Variants in SGCZ observed in about 807,000 individuals in gnomAD.
SGCZ encodes the protein sarcoglycan zeta, also known as zeta-sarcoglycan.
In SGCZ, 40 loss-of-function variants were observed where a neutral mutation model predicts 41.3. That is an observed-to-expected ratio of 0.97 (90% CI 0.75 to 1.26). SGCZ has a LOEUF of 1.26. SGCZ is among the 50% of genes most tolerant of loss of function. SGCZ has a pLI of 0.00. For synonymous variants in SGCZ, 206 were observed against 137.5 expected, an observed-to-expected ratio of 1.50 and a Z score of -3.49; for missense variants, 552 against 369.8, an observed-to-expected ratio of 1.49 and a Z score of -4.04.
intron 2 of SGCZ, among the ~76,000 whole-genome samples, chr8:14,551,738 G>C (rs1008407598): frequency 1.9e-5 from 2 of 105,208 alleles, no homozygotes; most frequent in Non-Finnish European, 4.1e-5. Flanking sequence ...GTAATATAAA[G>C]TCATTTCCTT....
intron 1 of SGCZ, among the ~76,000 whole-genome samples, chr8:15,048,676 C>G (rs1804403528): frequency 6.6e-6 from 1 of 152,056 alleles, no homozygotes; most frequent in South Asian, 2.1e-4. Flanking sequence ...AAAATTTAAA[C>G]TGAATTCACT....
chr8:14,302,127 G>A (rs1467408276), intron 3 of SGCZ, among the ~76,000 whole-genome samples: 2 of 151,838 alleles, frequency 1.3e-5, no homozygotes, highest in East Asian at 3.9e-4. Context: ...CAAAATGTGG[G>A]AGAGGAACCT....
At chr8:15,072,111 C>T (rs990137847) in intron 1 of SGCZ, among the ~76,000 whole-genome samples, 1 of 152,060 alleles carries the variant, frequency 6.6e-6, no homozygotes, top group Non-Finnish European at 1.5e-5. Flanking sequence ...GAACTGGCTG[C>T]AGGTGAAGTA....
At chr8:15,207,554 A>G (rs1248521093) in intron 1 of SGCZ, among the ~76,000 whole-genome samples, 2 of 152,216 alleles carry the variant, frequency 1.3e-5, no homozygotes, top group African/African-American at 2.4e-5. Context: ...CCACAGGACA[A>G]GGAGATTTGG....
chr8:14,087,731 T>C lies in SGCZ; in HGVS notation c.*2712A>G, dbSNP rs1464362150. Among the ~76,000 whole-genome samples the C allele has an allele frequency of 7.1e-6, 1 of 139,998 alleles. No homozygotes were observed. The highest frequency in any genetic ancestry group is 2.1e-4 in the South Asian group (1 of 4,814). 91.8% of individuals were successfully genotyped at this position (139,998 alleles called of 152,430 possible). A position where few individuals can be genotyped will look rare whatever the true frequency, so the allele number is the denominator to read the frequency against. On this transcript the variant is annotated 3_prime_UTR_variant, in exon 8 of 8. Coordinates refer to ENST00000382080, the MANE Select transcript of SGCZ (RefSeq NM_139167.4). Reference sequence around the variant, plus strand: ...TATATTTTTAAAAAAAAAAAAATGCTTTTTTGTGTTTGAATGTGGAAAACG... The same window carrying C: ...TATATTTTTAAAAAAAAAAAAATGCCTTTTTGTGTTTGAATGTGGAAAACG...
At chr8:14,380,445 G>A (rs1804318236) in intron 2 of SGCZ, among the ~76,000 whole-genome samples, 1 of 152,154 alleles carries the variant, frequency 6.6e-6, no homozygotes. Flanking sequence ...ATCAAAATAT[G>A]TTTTCCACGT....
chr8:14,678,413 T>C (rs1011126088), intron 1 of SGCZ, among the ~76,000 whole-genome samples: 1 of 152,170 alleles, frequency 6.6e-6, no homozygotes, highest in Non-Finnish European at 1.5e-5. Flanking sequence ...GATGTACCAA[T>C]GGTAAATAAC....
chr8:14,132,455 G>C (rs1803070727), intron 5 of SGCZ, among the ~76,000 whole-genome samples: 1 of 152,074 alleles, frequency 6.6e-6, no homozygotes, highest in Non-Finnish European at 1.5e-5. Flanking sequence ...TTGTACCTAA[G>C]ACAACCACCA....
At chr8:14,183,979 C>T (rs957462982) in intron 4 of SGCZ, among the ~76,000 whole-genome samples, 4 of 152,154 alleles carry the variant, frequency 2.6e-5, no homozygotes, top group South Asian at 2.1e-4. Context: ...AACTTAGCAA[C>T]GTCTCTGAAT....
intron 4 of SGCZ, among the ~76,000 whole-genome samples, chr8:14,219,317 T>G (rs559116550): frequency 6.6e-6 from 1 of 152,288 alleles, no homozygotes; most frequent in Non-Finnish European, 1.5e-5. Context: ...CTTAAACCAC[T>G]ACATCTGAGA....
intron 2 of SGCZ, among the ~76,000 whole-genome samples, chr8:14,431,136 T>G (rs954024182): frequency 1.3e-5 from 2 of 152,062 alleles, no homozygotes; most frequent in Non-Finnish European, 2.9e-5. Flanking sequence ...ACAAATTCAA[T>G]GCAATTGCCA....
rs535580938 is a variant in SGCZ, at chr8:14,174,057, A to C, written c.425-9355T>G. Among the ~76,000 whole-genome samples the C allele has an allele frequency of 1.8e-4, 28 of 152,222 alleles. No individual in the cohort carries two copies. The South Asian group carries it at 5.4e-3, about 29-fold the overall frequency. On this transcript the variant is annotated intron_variant, in intron 4 of 7. Coordinates refer to ENST00000382080, the MANE Select transcript of SGCZ (RefSeq NM_139167.4). Reference sequence around the variant, plus strand: ...GAATAATAATGAAAAATAGAGTTTCAAACAACATGAAAAGTAAAACAAAAT... The same window carrying C: ...GAATAATAATGAAAAATAGAGTTTCCAACAACATGAAAAGTAAAACAAAAT...
intron 4 of SGCZ, among the ~76,000 whole-genome samples, chr8:14,182,427 G>C (rs1804758661): frequency 6.6e-6 from 1 of 152,118 alleles, no homozygotes; most frequent in Non-Finnish European, 1.5e-5. Context: ...GCAATTTAGA[G>C]ACAGGAGGCA....
chr8:14,935,857 A>T (rs1471134299), intron 1 of SGCZ, among the ~76,000 whole-genome samples: 4 of 151,882 alleles, frequency 2.6e-5, no homozygotes, highest in Non-Finnish European at 5.9e-5. Context: ...AATCAGAAGA[A>T]CTCAAAGTAT....
chr8:14,860,740 AAGT>A (rs1563321419), intron 1 of SGCZ, among the ~76,000 whole-genome samples: 27 of 143,184 alleles, frequency 1.9e-4, no homozygotes, highest in African/African-American at 6.6e-4. Flanking sequence ...GAAAGAAAGT[AAGT>A]AAGTAAGTGA....
At chr8:14,958,784 A>G (rs1268055970) in intron 1 of SGCZ, among the ~76,000 whole-genome samples, 1 of 152,138 alleles carries the variant, frequency 6.6e-6, no homozygotes, top group African/African-American at 2.4e-5. Context: ...ATTTAGGCGG[A>G]AACACACAGA....
At chr8:14,532,604 C>CA in intron 2 of SGCZ, among the ~76,000 whole-genome samples, 1 of 149,662 alleles carries the variant, frequency 6.7e-6, no homozygotes, top group South Asian at 2.1e-4. Flanking sequence ...GATAATAATG[C>CA]AAAAATGTAA....
At chr8:15,019,148 T>C (rs185600408) in intron 1 of SGCZ, among the ~76,000 whole-genome samples, 96 of 152,260 alleles carry the variant, frequency 6.3e-4, no homozygotes, top group Non-Finnish European at 1.0e-3. Flanking sequence ...GGATGAGATT[T>C]GGGCAGGGAA....
chr8:14,183,364 A>T (rs555985942), intron 4 of SGCZ, among the ~76,000 whole-genome samples: 1 of 152,256 alleles, frequency 6.6e-6, no homozygotes, highest in South Asian at 2.1e-4. Context: ...TCTTCTTGAG[A>T]ACAGAATAAA....
Sources: gnomAD v4.1 joint callset for allele counts (sites outside exome capture counted in the v4.1 genomes callset) on GRCh38, gnomAD v4.1.1 for gene constraint, MANE v1.5 for transcripts, NCBI Gene and HGNC (gene_info 2026-07-23, HGNC 2026-07-21) for gene names.